The following MATCAP1 variants were observed in gnomAD, a reference collection of about 807,000 sequenced individuals.
MATCAP1 encodes microtubule associated tyrosine carboxypeptidase 1, also known as microtubule-associated tyrosine carboxypeptidase 1.
chr16:67,182,466 A>G, the MATCAP1 span, among the ~76,000 whole-genome samples: 1 of 152,212 alleles, frequency 6.6e-6, no homozygotes, highest in Admixed American at 6.5e-5. Context: ...TTTTACATAC[A>G]TTAGCTCAGA....
chr16:67,183,408 G>A, the MATCAP1 span: 2 of 152,206 alleles, frequency 1.3e-5, no homozygotes, highest in Admixed American at 6.5e-5. Flanking sequence ...AGCCTTCCCC[G>A]CGTCTAGTGT....
At chr16:67,179,381 C>T in the MATCAP1 span, 5 of 1,564,228 alleles carry the variant, frequency 3.2e-6, no homozygotes, top group Non-Finnish European at 4.3e-6. This position sits in a 1 kb window ranked among gnomAD's most constrained non-coding sequence, Gnocchi z 5.2. Flanking sequence ...CTCCCAGCTC[C>T]CAGGCCCCTT....
chr16:67,179,050 C>G, the MATCAP1 span: 2 of 1,126,370 alleles, frequency 1.8e-6, no homozygotes, highest in Non-Finnish European at 2.2e-6. This position sits in a 1 kb window ranked among gnomAD's most constrained non-coding sequence, Gnocchi z 5.2. Flanking sequence ...AGTCCATTCC[C>G]AGGACCTGGC....
At chr16:67,179,319 G>A in the MATCAP1 span, 1 of 1,509,176 alleles carries the variant, frequency 6.6e-7, no homozygotes, top group East Asian at 2.3e-5. The surrounding 1 kb of genome is among the most constrained non-coding windows in gnomAD (Gnocchi z 5.2). Context: ...GACCTCAGGA[G>A]GGAAGGGGGA....
chr16:67,179,088 G>C, the MATCAP1 span: 1 of 1,180,016 alleles, frequency 8.5e-7, no homozygotes, highest in South Asian at 1.9e-5. The surrounding 1 kb of genome is among the most constrained non-coding windows in gnomAD (Gnocchi z 5.2). Flanking sequence ...GGGCCAGCGT[G>C]GTGGCTGGCC....
At chr16:67,176,903 G>C in the MATCAP1 span, 5 of 1,609,306 alleles carry the variant, frequency 3.1e-6, no homozygotes, top group Admixed American at 1.7e-5. This position sits in a 1 kb window ranked among gnomAD's most constrained non-coding sequence, Gnocchi z 4.3. Context: ...GCCAAGTCCT[G>C]CATGAAGTGG....
chr16:67,182,429 C>T, the MATCAP1 span, among the ~76,000 whole-genome samples: 3 of 152,154 alleles, frequency 2.0e-5, no homozygotes, highest in Non-Finnish European at 4.4e-5. Context: ...ACGTTCACTC[C>T]CTAGATGTTC....
chr16:67,183,952 C>G, the MATCAP1 span: 1 of 193,936 alleles, frequency 5.2e-6, no homozygotes. Context: ...GGAGCCGTCG[C>G]CGATGACGTA....
At chr16:67,178,460 G>T in the MATCAP1 span, 1 of 1,533,600 alleles carries the variant, frequency 6.5e-7, no homozygotes, top group Non-Finnish European at 8.7e-7. Context: ...TCCGCGTTGT[G>T]CCACGGCTGG....
At chr16:67,178,142 C>T in the MATCAP1 span, 5 of 1,454,464 alleles carry the variant, frequency 3.4e-6, no homozygotes, top group African/African-American at 2.1e-5. Flanking sequence ...CCCCGCCCCT[C>T]GCCCGAAGCC....
At chr16:67,180,043 G>A in the MATCAP1 span, 1 of 1,613,794 alleles carries the variant, frequency 6.2e-7, no homozygotes, top group Admixed American at 1.7e-5. Flanking sequence ...GGACTGACCT[G>A]ATGGATGAAC....
At chr16:67,179,357 C>T in the MATCAP1 span, 5 of 1,530,946 alleles carry the variant, frequency 3.3e-6, no homozygotes, top group Non-Finnish European at 3.5e-6. The surrounding 1 kb of genome is among the most constrained non-coding windows in gnomAD (Gnocchi z 5.2). Flanking sequence ...TATTGGGGCC[C>T]CTCCTTCCCA....
the MATCAP1 span, chr16:67,179,327 G>A: frequency 6.6e-7 from 1 of 1,512,910 alleles, no homozygotes; most frequent in Non-Finnish European, 8.8e-7. This position sits in a 1 kb window ranked among gnomAD's most constrained non-coding sequence, Gnocchi z 5.2. Flanking sequence ...GAGGGAAGGG[G>A]GAGAAACAAA....
chr16:67,178,277 G>C, the MATCAP1 span: 65 of 1,572,960 alleles, frequency 4.1e-5, no homozygotes, highest in East Asian at 1.4e-3. Context: ...TGCACGTAGC[G>C]CTCCAGGTCC....
the MATCAP1 span, chr16:67,179,861 C>T: frequency 6.2e-7 from 1 of 1,614,212 alleles, no homozygotes; most frequent in Non-Finnish European, 8.5e-7. This position sits in a 1 kb window ranked among gnomAD's most constrained non-coding sequence, Gnocchi z 5.2. Context: ...CACAATCGAC[C>T]ATATCTGGCA....
the MATCAP1 span, among the ~76,000 whole-genome samples, chr16:67,181,311 A>C: frequency 3.3e-5 from 5 of 152,124 alleles, no homozygotes; most frequent in Non-Finnish European, 7.4e-5. Context: ...GTCAGTTTCA[A>C]TGTTTGAGGG....
At chr16:67,178,117 C>T in the MATCAP1 span, 2 of 1,609,794 alleles carry the variant, frequency 1.2e-6, no homozygotes, top group South Asian at 1.1e-5. Context: ...CCTGGGAGGG[C>T]AGGAGGGCGG....
chr16:67,179,920 T>C, the MATCAP1 span: 1 of 1,614,178 alleles, frequency 6.2e-7, no homozygotes, highest in Non-Finnish European at 8.5e-7. This position sits in a 1 kb window ranked among gnomAD's most constrained non-coding sequence, Gnocchi z 5.2. Flanking sequence ...GTTCATAGGT[T>C]CCAAACTTCT....
chr16:67,180,689 G>A, the MATCAP1 span: 68 of 1,094,372 alleles, frequency 6.2e-5, 1 homozygote, highest in Non-Finnish European at 1.4e-5. Flanking sequence ...AAGGGCATGT[G>A]GAGACCAGCA....
Sources: allele counts gnomAD v4.1 joint callset (sites outside exome capture counted in the v4.1 genomes callset), GRCh38; gene constraint gnomAD v4.1.1; non-coding constraint Gnocchi (gnomAD v3.1); transcripts MANE v1.5; gene names NCBI Gene and HGNC (gene_info 2026-07-23, HGNC 2026-07-21).